The following PCSK5 variants were observed in gnomAD, a reference collection of about 807,000 sequenced individuals.
PCSK5 encodes proprotein convertase subtilisin/kexin type 5.
In PCSK5, 129 loss-of-function variants were observed where a neutral mutation model predicts 233.2. The observed-to-expected ratio is 0.55, with a 90% CI of 0.48 to 0.64. PCSK5 has a LOEUF of 0.64. Among genes scored for constraint, PCSK5 ranks in the 30% least tolerant of loss-of-function variants. PCSK5 has a pLI of 0.00. For synonymous variants in PCSK5, 825 were observed against 879.2 expected (o/e 0.94, Z 1.09); for missense variants, 2,076 against 2,430.1 (o/e 0.85, Z 3.06).
rs1441119119 is a variant in PCSK5, at chr9:76,302,195, G to A, written c.3582G>A (p.Arg1194=). ...AGAGCCTGCTGCAGGAGCGACGAAGGTGGAAAGTTCAAATCAAAAGAGGTA... is the reference window on the plus strand; with the variant it reads ...AGAGCCTGCTGCAGGAGCGACGAAGATGGAAAGTTCAAATCAAAAGAGGTA... ...VVKSLLQERR[R]WKVQIKRDIL... is the part of the protein sequence containing the mutation. Residue 1194 remains arginine (R), a synonymous_variant, in exon 28 of 38, where the codon AGG becomes AGA. Transcript: ENST00000674117. 1.5e-5 allele frequency: 21 copies of A among 1,355,836 alleles called. No individual in the cohort carries two copies. The highest frequency in any genetic ancestry group is 2.0e-5 in the Admixed American group (1 of 50,724). The allele number at this position is 1,355,836 out of a possible 1,614,324, so 84.0% of individuals were successfully genotyped here. A position where few individuals can be genotyped will look rare whatever the true frequency, so the allele number is the denominator to read the frequency against.
intron 3 of PCSK5, among the ~76,000 whole-genome samples, chr9:76,019,446 A>G (rs1356730750): frequency 2.6e-5 from 4 of 152,154 alleles, no homozygotes; most frequent in Non-Finnish European, 5.9e-5. Flanking sequence ...AAGCCACTCT[A>G]TCAATAATAA....
rs996710078 is a variant in PCSK5, at chr9:76,362,672, G to A, written c.*3750G>A. Among the ~76,000 whole-genome samples the A allele has an allele frequency of 1.3e-5, 2 of 152,204 alleles. No individual in the cohort carries two copies. Among genetic ancestry groups the A allele is most frequent in the African/African-American group, 2.4e-5 (1 of 41,456 alleles). The stretch of plus-strand genomic sequence containing the variant: ...CCACAGGCAGACAGCCCGGCGCTAC[G>A]CCCTGGGCCTGGCAGTTAAAGATCG... On this transcript the variant is annotated 3_prime_UTR_variant, in exon 38 of 38. Transcript: ENST00000674117.
intron 35 of PCSK5, among the ~76,000 whole-genome samples, chr9:76,338,674 G>A (rs1829749409): frequency 6.6e-6 from 1 of 152,042 alleles, no homozygotes; most frequent in Admixed American, 6.6e-5. Flanking sequence ...CCCAGAGACA[G>A]GCATCATCTC....
At chr9:76,078,570 G>A (rs1432739355) in intron 7 of PCSK5, among the ~76,000 whole-genome samples, 1 of 152,096 alleles carries the variant, frequency 6.6e-6, no homozygotes, top group Non-Finnish European at 1.5e-5. Context: ...GCCATTTATT[G>A]AATAAGGAGT....
chr9:76,086,692 C>T (rs1218094552), intron 7 of PCSK5, among the ~76,000 whole-genome samples: 2 of 152,100 alleles, frequency 1.3e-5, no homozygotes, highest in East Asian at 1.9e-4. Context: ...TTTTTAGGAA[C>T]ACTTGGTGTC....
chr9:76,341,403 A>G (rs1412450089), intron 35 of PCSK5, among the ~76,000 whole-genome samples: 2 of 152,214 alleles, frequency 1.3e-5, no homozygotes, highest in South Asian at 2.1e-4. Context: ...AATCAGTATT[A>G]TCTGATTTAA....
At chr9:75,912,518 G>A (rs1192708727) in intron 1 of PCSK5, among the ~76,000 whole-genome samples, 1 of 152,174 alleles carries the variant, frequency 6.6e-6, no homozygotes, top group Non-Finnish European at 1.5e-5. Flanking sequence ...TGGAGATTCA[G>A]CATTTCTAAC....
chr9:76,033,091 G>A (rs756407627), intron 5 of PCSK5, among the ~76,000 whole-genome samples: 29 of 152,148 alleles, frequency 1.9e-4, no homozygotes, highest in Admixed American at 3.3e-4. Context: ...CTGGTTTTAC[G>A]AATGTTGCCA....
Position 76,333,943 on chromosome 9 carries a change from C to T in PCSK5, c.4748+1333C>T, listed in dbSNP as rs139907552. 5.5e-3 allele frequency among the ~76,000 whole-genome samples: 841 copies of T among 152,176 alleles called. 10 individuals are homozygous for T. The highest frequency in any genetic ancestry group is 0.018 in the African/African-American group (765 of 41,516). On this transcript the variant is annotated intron_variant, in intron 34 of 37. Transcript: ENST00000674117. ...AAGACTGACTGTGTTTGTTTTCACG[C>T]GGCTGATAAAGACATACCCAAAGAC... is the stretch of plus-strand genomic sequence containing the variant.
chr9:76,275,252 A>G (rs1235678750), intron 24 of PCSK5, among the ~76,000 whole-genome samples: 1 of 152,016 alleles, frequency 6.6e-6, no homozygotes, highest in Admixed American at 6.6e-5. Flanking sequence ...TCCTCCTGAA[A>G]AGTTTATTTT....
At chr9:76,210,667 A>C (rs1825294936) in intron 20 of PCSK5, among the ~76,000 whole-genome samples, 1 of 152,168 alleles carries the variant, frequency 6.6e-6, no homozygotes, top group Non-Finnish European at 1.5e-5. Flanking sequence ...TTTAGGTAGG[A>C]GAGTGGTCTG....
At chr9:76,013,491 C>A (rs906445671) in intron 3 of PCSK5, among the ~76,000 whole-genome samples, 1 of 152,136 alleles carries the variant, frequency 6.6e-6, no homozygotes, top group Non-Finnish European at 1.5e-5. Context: ...TTCAGAAGTT[C>A]TGCAGAGTCC....
intron 1 of PCSK5, among the ~76,000 whole-genome samples, chr9:75,908,913 A>ATCTATCTATCTG (rs1822552430): frequency 8.2e-6 from 1 of 121,750 alleles, no homozygotes; most frequent in Non-Finnish European, 1.8e-5. Flanking sequence ...CTATCTATCT[A>ATCTATCTATCTG]TCTATCTATC....
intron 9 of PCSK5, among the ~76,000 whole-genome samples, chr9:76,109,439 TAA>T (rs57063668): frequency 8.0e-5 from 12 of 150,802 alleles, no homozygotes; most frequent in African/African-American, 2.9e-4. Context: ...ATTATTTTTT[TAA>T]AAAAAAAACA....
At chr9:76,210,122 A>G (rs529717275) in intron 20 of PCSK5, among the ~76,000 whole-genome samples, 2 of 152,326 alleles carry the variant, frequency 1.3e-5, no homozygotes, top group East Asian at 3.9e-4. Context: ...TTCAAGTCCA[A>G]GAGTTTTTTT....
Position 76,310,663 on chromosome 9 carries a change from T to C in PCSK5, c.3696T>C (p.Tyr1232=). ...TLCTSCPKGA[Y]LLAQACVSSC... ...TCTTCCCTGAATTTCTAGGTGCATA[T>C]CTTCTGGCTCAGGCCTGTGTTTCCT... The change falls in exon 30 of 38, where the codon TAT becomes TAC. Residue 1232 remains tyrosine, a synonymous_variant. Coordinates refer to ENST00000674117, the MANE Select transcript of PCSK5 (RefSeq NM_001372043.1). 1 of 1,567,598 alleles carries C rather than the reference T, an allele frequency of 6.4e-7. No individual in the cohort carries two copies. Among genetic ancestry groups the C allele is most frequent in the Non-Finnish European group, 8.6e-7 (1 of 1,161,128 alleles).
At chr9:76,094,939 C>G (rs149965080) in intron 7 of PCSK5, among the ~76,000 whole-genome samples, 1 of 152,244 alleles carries the variant, frequency 6.6e-6, no homozygotes, top group East Asian at 1.9e-4. Flanking sequence ...TTTTAGCTAC[C>G]AAGCTTTGGC....
chr9:75,895,793 T>C (rs1825775821), intron 1 of PCSK5, among the ~76,000 whole-genome samples: 1 of 152,190 alleles, frequency 6.6e-6, no homozygotes, highest in East Asian at 1.9e-4. Flanking sequence ...TCCAAGTAGG[T>C]AGGAAGAGAT....
In PCSK5 at chr9:76,321,464, T is replaced by A; in HGVS notation, c.3927T>A (p.Ser1309=). 6.2e-7 allele frequency: 1 copy of A among 1,611,404 alleles called. No homozygotes were observed. Among genetic ancestry groups the A allele is most frequent in the Non-Finnish European group, 8.5e-7 (1 of 1,178,596 alleles). The change falls in exon 31 of 38, where the codon TCT becomes TCA. Residue 1309 remains serine (S), a synonymous_variant. Transcript: ENST00000674117. ...ACGGCATATGTGAACGCTGTAGCTC[T>A]CCTTGCAGAACATGTGAAGGAAACG... ...AEDGICERCS[S]PCRTCEGNAT... is the part of the protein sequence containing the mutation.
Sources: allele counts gnomAD v4.1 joint callset (sites outside exome capture counted in the v4.1 genomes callset), GRCh38; gene constraint gnomAD v4.1.1; transcripts MANE v1.5; gene names NCBI Gene and HGNC (gene_info 2026-07-23, HGNC 2026-07-21).